The following CDH12 variants were observed in gnomAD, a reference collection of about 807,000 sequenced individuals.
CDH12 encodes cadherin 12.
Under a neutral mutation model 74.1 loss-of-function variants are expected in CDH12, and 41 were observed. The observed-to-expected ratio is 0.55, with a 90% CI of 0.43 to 0.72. CDH12 has a LOEUF of 0.72. Among genes scored for constraint, CDH12 ranks in the 30% least tolerant of loss-of-function variants. CDH12 has a pLI of 0.00. For synonymous variants in CDH12, 399 were observed against 355.0 expected, an observed-to-expected ratio of 1.12 and a Z score of -1.39; for missense variants, 945 against 977.2, an observed-to-expected ratio of 0.97 and a Z score of 0.44.
rs549337085 is a variant in CDH12, at chr5:22,159,746, C to A, written c.-187+52752G>T. Among the ~76,000 whole-genome samples, 4 of 152,242 alleles carry A rather than the reference C, an allele frequency of 2.6e-5. No homozygotes were observed. In the South Asian group the frequency reaches 8.3e-4, roughly 32 times the overall value. Reference sequence around the variant, plus strand: ...TCCATAAACTTTGTTACAGCGTTATCAACTGGATGAGTTTAAATATACTGG... The same window carrying A: ...TCCATAAACTTTGTTACAGCGTTATAAACTGGATGAGTTTAAATATACTGG... On this transcript the variant is annotated intron_variant, in intron 4 of 14. Transcript: ENST00000382254.
At chr5:22,264,430 A>G (rs569431518) in intron 3 of CDH12, among the ~76,000 whole-genome samples, 3 of 152,116 alleles carry the variant, frequency 2.0e-5, no homozygotes, top group Admixed American at 6.6e-5. Flanking sequence ...TATTCATTCT[A>G]TATTATTTTT....
chr5:22,625,422 C>T (rs145407659), intron 1 of CDH12, among the ~76,000 whole-genome samples: 1 of 152,136 alleles, frequency 6.6e-6, no homozygotes, highest in South Asian at 2.1e-4. Flanking sequence ...TGGTGCACAA[C>T]CCACGATCCC....
At chr5:22,263,028 G>A (rs893369944) in intron 3 of CDH12, among the ~76,000 whole-genome samples, 16 of 151,782 alleles carry the variant, frequency 1.1e-4, no homozygotes, top group African/African-American at 3.6e-4. Context: ...GTGGGCGAAG[G>A]ACATGAACAG....
At chr5:21,945,945 T>C (rs1387348209) in intron 6 of CDH12, among the ~76,000 whole-genome samples, 4 of 151,462 alleles carry the variant, frequency 2.6e-5, no homozygotes, top group African/African-American at 4.9e-5. Context: ...GAGCAAATCT[T>C]AAATAGAATA....
At chr5:21,880,616 C>CTCTCTTTCTTTCTTTCT (rs1752255658) in intron 6 of CDH12, among the ~76,000 whole-genome samples, 8 of 50,868 alleles carry the variant, frequency 1.6e-4, no homozygotes, top group Admixed American at 4.7e-4. Flanking sequence ...TCCTTCCTTC[C>CTCTCTTTCTTTCTTTCT]TTCTTTCTTT....
intron 1 of CDH12, among the ~76,000 whole-genome samples, chr5:22,677,420 G>A (rs185833591): frequency 7.3e-5 from 11 of 151,690 alleles, no homozygotes; most frequent in East Asian, 5.8e-4. Flanking sequence ...CAGAGACAGC[G>A]CTTTCCAGTT....
intron 3 of CDH12, among the ~76,000 whole-genome samples, chr5:22,349,365 A>G (rs1256416085): frequency 6.6e-6 from 1 of 152,188 alleles, no homozygotes; most frequent in Admixed American, 6.5e-5. Context: ...AGCAGATTAT[A>G]CCTAAATTTT....
rs181833717 is a variant in CDH12 at position 22,547,874 on chromosome 5, C to T, written c.-522-42510G>A. On this transcript the variant is annotated intron_variant, in intron 1 of 14. Coordinates refer to ENST00000382254, the MANE Select transcript of CDH12 (RefSeq NM_004061.5). ...ATGCAGTAATGGAAATTCAGTCTCTCGAGCACTATTTCCGCCCATGGAAAC... is the reference window on the plus strand; with the variant it reads ...ATGCAGTAATGGAAATTCAGTCTCTTGAGCACTATTTCCGCCCATGGAAAC... Among the ~76,000 whole-genome samples, 647 of 152,194 alleles carry T rather than the reference C, an allele frequency of 4.3e-3. 2 individuals carry two copies. The highest frequency in any genetic ancestry group is 7.3e-3 in the Non-Finnish European group (494 of 67,974).
chr5:22,623,132 A>T (rs1738069736), intron 1 of CDH12, among the ~76,000 whole-genome samples: 1 of 152,232 alleles, frequency 6.6e-6, no homozygotes, highest in South Asian at 2.1e-4. Context: ...ATTCATGCTA[A>T]AAACTCTCAA....
chr5:22,243,929 A>T (rs1200250684), intron 3 of CDH12, among the ~76,000 whole-genome samples: 2 of 152,198 alleles, frequency 1.3e-5, no homozygotes, highest in East Asian at 3.9e-4. Context: ...ACCTATTATT[A>T]TATTTCAAAA....
At chr5:21,806,951 A>G (rs1179402964) in intron 9 of CDH12, among the ~76,000 whole-genome samples, 3 of 152,204 alleles carry the variant, frequency 2.0e-5, no homozygotes, top group Non-Finnish European at 4.4e-5. Flanking sequence ...AAACTAAAGA[A>G]AGTCCACAAG....
intron 1 of CDH12, among the ~76,000 whole-genome samples, chr5:22,780,115 G>T (rs1295206771): frequency 6.6e-6 from 1 of 152,198 alleles, no homozygotes; most frequent in Non-Finnish European, 1.5e-5. Context: ...GCCAGGCACA[G>T]TGGCTCGTTT....
At chr5:22,617,848 G>A (rs1203122326) in intron 1 of CDH12, among the ~76,000 whole-genome samples, 1 of 152,014 alleles carries the variant, frequency 6.6e-6, no homozygotes, top group Non-Finnish European at 1.5e-5. Flanking sequence ...GCTGCCCAAT[G>A]GTATGATTTT....
intron 3 of CDH12, among the ~76,000 whole-genome samples, chr5:22,270,325 G>A (rs1030595887): frequency 1.3e-5 from 2 of 152,144 alleles, no homozygotes; most frequent in Non-Finnish European, 2.9e-5. Flanking sequence ...GCTGGACACA[G>A]TGGCTCACGG....
At chr5:21,983,092 G>T (rs1254511635) in intron 5 of CDH12, among the ~76,000 whole-genome samples, 4 of 151,896 alleles carry the variant, frequency 2.6e-5, no homozygotes, top group African/African-American at 9.7e-5. Context: ...TTTCTTGGAT[G>T]TTATATTTAC....
At chr5:22,804,789 A>G (rs2126429028) in intron 1 of CDH12, among the ~76,000 whole-genome samples, 1 of 152,356 alleles carries the variant, frequency 6.6e-6, no homozygotes, top group South Asian at 2.1e-4. Context: ...AACCTAGACA[A>G]GTTGACACAT....
chr5:21,833,329 T>TTATATATTATATAACATATAA (rs1749307994), intron 8 of CDH12, among the ~76,000 whole-genome samples: 1 of 59,908 alleles, frequency 1.7e-5, no homozygotes, highest in Non-Finnish European at 2.4e-5. Context: ...ATAATATATA[T>TTATATATTATATAACATATAA]TATATATTAT....
intron 3 of CDH12, among the ~76,000 whole-genome samples, chr5:22,217,139 TA>T (rs1305503029): frequency 6.6e-6 from 1 of 151,746 alleles, no homozygotes; most frequent in East Asian, 1.9e-4. Context: ...TTCGAGTAAT[TA>T]AAAAATCAGC....
intron 8 of CDH12, among the ~76,000 whole-genome samples, chr5:21,827,005 C>T (rs1475069923): frequency 2.0e-5 from 3 of 152,022 alleles, no homozygotes; most frequent in Admixed American, 6.6e-5. Context: ...AAGCTACTAT[C>T]GTGATGTCTT....
Sources: gnomAD v4.1 joint callset for allele counts (sites outside exome capture counted in the v4.1 genomes callset) on GRCh38, gnomAD v4.1.1 for gene constraint, MANE v1.5 for transcripts, NCBI Gene and HGNC (gene_info 2026-07-23, HGNC 2026-07-21) for gene names.